Variants in HYCC2 observed in about 807,000 individuals in gnomAD.
The protein encoded by HYCC2 is hyccin PI4KA lipid kinase complex subunit 2.
At chr2:201,068,072 G>A in the HYCC2 span, among the ~76,000 whole-genome samples, 5 of 152,024 alleles carry the variant, frequency 3.3e-5, no homozygotes, top group South Asian at 2.1e-4. Flanking sequence ...ATCACCTGAC[G>A]TCCGGAGTTC....
chr2:201,020,747 T>G, the HYCC2 span, among the ~76,000 whole-genome samples: 1 of 152,206 alleles, frequency 6.6e-6, no homozygotes, highest in African/African-American at 2.4e-5. Flanking sequence ...GATTTGAATC[T>G]GAAAATATGA....
chr2:200,988,140 T>C, the HYCC2 span: 1 of 717,378 alleles, frequency 1.4e-6, no homozygotes, highest in East Asian at 3.0e-5. Context: ...TAGTGATATT[T>C]TTAACAAAAA....
At chr2:201,039,168 A>G in the HYCC2 span, among the ~76,000 whole-genome samples, 1 of 151,962 alleles carries the variant, frequency 6.6e-6, no homozygotes, top group Non-Finnish European at 1.5e-5. Context: ...CTCCAACCCC[A>G]TTACTCTGCC....
chr2:201,010,767 A>T, the HYCC2 span, among the ~76,000 whole-genome samples: 1 of 151,868 alleles, frequency 6.6e-6, no homozygotes. Context: ...AATATTTTTA[A>T]GCTTATTATT....
chr2:201,053,491 T>C, the HYCC2 span, among the ~76,000 whole-genome samples: 1 of 152,230 alleles, frequency 6.6e-6, no homozygotes, highest in Non-Finnish European at 1.5e-5. Flanking sequence ...GCTTGCATAC[T>C]GGAGCTTGCC....
chr2:200,978,483 T>C, the HYCC2 span: 9 of 145,250 alleles, frequency 6.2e-5, no homozygotes, highest in African/African-American at 2.3e-4. Flanking sequence ...TTTTTTTTTT[T>C]TTTTTTTTCA....
the HYCC2 span, among the ~76,000 whole-genome samples, chr2:201,039,108 T>C: frequency 2.2e-4 from 33 of 152,316 alleles, no homozygotes; most frequent in South Asian, 1.5e-3. Context: ...CACCTCCTTA[T>C]AGAACCTTTC....
the HYCC2 span, among the ~76,000 whole-genome samples, chr2:200,998,932 C>T: frequency 6.6e-6 from 1 of 152,152 alleles, no homozygotes; most frequent in African/African-American, 2.4e-5. Context: ...ACTTTCAGAT[C>T]CCTTCACTTT....
chr2:201,019,537 G>A, the HYCC2 span, among the ~76,000 whole-genome samples: 24,469 of 151,932 alleles, frequency 0.16, 2,218 homozygotes, highest in East Asian at 0.32. Flanking sequence ...CTGATGGCTC[G>A]AGACCAGGAG....
chr2:201,066,986 A>C, the HYCC2 span: 1 of 305,618 alleles, frequency 3.3e-6, no homozygotes, highest in Non-Finnish European at 6.4e-6. Context: ...GTTCACCATG[A>C]AGAAGATAGA....
At chr2:201,039,621 TG>T in the HYCC2 span, among the ~76,000 whole-genome samples, 1 of 152,222 alleles carries the variant, frequency 6.6e-6, no homozygotes, top group African/African-American at 2.4e-5. Context: ...ATTTCAAAGC[TG>T]TATCATACAG....
chr2:200,988,028 A>G, the HYCC2 span, among the ~76,000 whole-genome samples: 2 of 152,236 alleles, frequency 1.3e-5, no homozygotes, highest in African/African-American at 4.8e-5. Context: ...AAAAAAGACA[A>G]AATTTAACCT....
chr2:201,061,314 C>G, the HYCC2 span: 1 of 152,230 alleles, frequency 6.6e-6, no homozygotes, highest in Non-Finnish European at 1.5e-5. Flanking sequence ...TGCCTTTAAC[C>G]CCAGCTACTT....
the HYCC2 span, among the ~76,000 whole-genome samples, chr2:201,049,788 A>G: frequency 6.6e-6 from 1 of 152,204 alleles, no homozygotes; most frequent in East Asian, 1.9e-4. Context: ...ATTAACAACA[A>G]TAACAAAAAT....
the HYCC2 span, among the ~76,000 whole-genome samples, chr2:201,055,400 C>G: frequency 2.3e-5 from 3 of 130,570 alleles, no homozygotes; most frequent in African/African-American, 8.8e-5. Context: ...AAAAAAAAAA[C>G]AAACACTAAA....
At chr2:200,989,704 C>T in the HYCC2 span, among the ~76,000 whole-genome samples, 6 of 152,092 alleles carry the variant, frequency 3.9e-5, no homozygotes, top group Non-Finnish European at 7.4e-5. Context: ...GTCCCAGCTA[C>T]TCAGGAGGCT....
At chr2:201,055,516 T>C in the HYCC2 span, among the ~76,000 whole-genome samples, 2 of 151,272 alleles carry the variant, frequency 1.3e-5, no homozygotes, top group Middle Eastern at 3.2e-3. Flanking sequence ...CTGGGCAACA[T>C]GGCAAAACCC....
the HYCC2 span, among the ~76,000 whole-genome samples, chr2:201,002,570 G>C: frequency 6.6e-6 from 1 of 150,810 alleles, no homozygotes; most frequent in Non-Finnish European, 1.5e-5. Context: ...CTGTCACCCA[G>C]GCTGGAGTGC....
the HYCC2 span, among the ~76,000 whole-genome samples, chr2:201,037,757 A>G: frequency 6.6e-6 from 1 of 152,234 alleles, no homozygotes; most frequent in Non-Finnish European, 1.5e-5. Context: ...TGGATTAAAG[A>G]CTTAAATGTT....
Sources: allele counts gnomAD v4.1 joint callset (sites outside exome capture counted in the v4.1 genomes callset), GRCh38; gene constraint gnomAD v4.1.1; transcripts MANE v1.5; gene names NCBI Gene and HGNC (gene_info 2026-07-23, HGNC 2026-07-21).